CNTNAP5: variants seen among roughly 807,000 people sequenced by gnomAD.
CNTNAP5 encodes contactin associated protein family member 5, also known as contactin-associated protein-like 5.
Under a neutral mutation model 150.2 loss-of-function variants are expected in CNTNAP5, and 72 were observed. The observed-to-expected ratio is 0.48, with a 90% CI of 0.40 to 0.58. The LOEUF (loss-of-function observed/expected upper bound fraction) is 0.58. CNTNAP5 is among the 20% of genes least tolerant of loss of function. The pLI, the probability that CNTNAP5 is intolerant of heterozygous loss-of-function variation, is 0.00. For missense variants in CNTNAP5, 1,636 were observed against 1,626.2 expected (o/e 1.01, Z -0.10); for synonymous variants, 672 against 619.8 (o/e 1.08, Z -1.25).
At chr2:124,171,124 C>A (rs537407493) in intron 1 of CNTNAP5, among the ~76,000 whole-genome samples, 4 of 152,242 alleles carry the variant, frequency 2.6e-5, no homozygotes, top group African/African-American at 7.2e-5. Flanking sequence ...ATTGCTTTTT[C>A]AAAACAGGAT....
chr2:124,843,852 T>C (rs1682994044), intron 19 of CNTNAP5, among the ~76,000 whole-genome samples: 1 of 152,092 alleles, frequency 6.6e-6, no homozygotes, highest in African/African-American at 2.4e-5. Context: ...TTTGATGAGA[T>C]TGTCTGTTCT....
chr2:124,911,232 T>C lies in CNTNAP5; in HGVS notation c.3656-235T>C, dbSNP rs140874518. Among the ~76,000 whole-genome samples, 409 of 152,050 alleles carry C rather than the reference T, an allele frequency of 2.7e-3. 4 individuals are homozygous for C. The highest frequency in any genetic ancestry group is 8.9e-3 in the African/African-American group (371 of 41,526). On this transcript the variant is annotated intron_variant, in intron 22 of 23. Coordinates refer to ENST00000682447, the MANE Select transcript of CNTNAP5 (RefSeq NM_001367498.1). The stretch of plus-strand genomic sequence containing the variant: ...CACCATCCTCTGTTTTAACCCCTTA[T>C]CTTACAATTTGCACATAAACAAACA...
At chr2:124,526,371 T>G (rs1182446468) in intron 9 of CNTNAP5, among the ~76,000 whole-genome samples, 12 of 152,334 alleles carry the variant, frequency 7.9e-5, no homozygotes, top group Non-Finnish European at 1.5e-4. Flanking sequence ...AGTGTGCCTG[T>G]GAGCTGTTAA....
chr2:124,759,938 CT>C (rs571408475), intron 14 of CNTNAP5, among the ~76,000 whole-genome samples: 1,006 of 83,608 alleles, frequency 0.012, 17 homozygotes, highest in African/African-American at 0.027. Context: ...ACTCCTCGGT[CT>C]TTTTTTTTTT....
chr2:124,257,440 A>G (rs556586569), intron 3 of CNTNAP5, among the ~76,000 whole-genome samples: 1 of 152,268 alleles, frequency 6.6e-6, no homozygotes, highest in East Asian at 1.9e-4. Context: ...TGCATTGCCA[A>G]TCTTCTGGAT....
rs74764366 is a variant in CNTNAP5, at chr2:124,787,051, T to A, written c.2753-2851T>A. On this transcript the variant is annotated intron_variant, in intron 17 of 23. Transcript: ENST00000682447. ...TCTGTAAGTCTCAAACCTTAAGGAG[T>A]GCATTTTTGCCCGAGAAACCACCAA... 9.5e-3 allele frequency among the ~76,000 whole-genome samples: 1,434 copies of A among 151,634 alleles called. 13 individuals carry two copies. The highest frequency in any genetic ancestry group is 0.013 in the Non-Finnish European group (882 of 67,754).
At chr2:124,909,517 G>T (rs1036030331) in intron 22 of CNTNAP5, among the ~76,000 whole-genome samples, 2 of 152,008 alleles carry the variant, frequency 1.3e-5, no homozygotes, top group Non-Finnish European at 2.9e-5. Flanking sequence ...AAAGAAGCAG[G>T]AGGCATTTTA....
chr2:124,697,821 AC>A (rs1389795787), intron 13 of CNTNAP5, among the ~76,000 whole-genome samples: 3 of 152,180 alleles, frequency 2.0e-5, no homozygotes, highest in Non-Finnish European at 4.4e-5. Context: ...TATACTAGGC[AC>A]TGTTCTATGA....
intron 1 of CNTNAP5, among the ~76,000 whole-genome samples, chr2:124,032,995 G>A (rs1306890047): frequency 6.6e-6 from 1 of 152,124 alleles, no homozygotes; most frequent in Non-Finnish European, 1.5e-5. Context: ...TCTGACAGGG[G>A]GATAAACCAG....
intron 19 of CNTNAP5, among the ~76,000 whole-genome samples, chr2:124,852,897 G>A (rs1192065877): frequency 6.6e-6 from 1 of 152,202 alleles, no homozygotes; most frequent in East Asian, 1.9e-4. Flanking sequence ...ATGGCTCCTA[G>A]AATTTTAACC....
intron 3 of CNTNAP5, among the ~76,000 whole-genome samples, chr2:124,347,224 T>C (rs1322584199): frequency 6.6e-6 from 1 of 152,236 alleles, no homozygotes; most frequent in Non-Finnish European, 1.5e-5. Context: ...GTTTATTAAC[T>C]GCCTGGTCCT....
At chr2:124,611,340 C>A (rs181835752) in intron 12 of CNTNAP5, among the ~76,000 whole-genome samples, 18 of 152,270 alleles carry the variant, frequency 1.2e-4, no homozygotes, top group Non-Finnish European at 2.5e-4. Flanking sequence ...AGTAATTTGC[C>A]CATCTGGATA....
chr2:124,376,427 G>C lies in CNTNAP5; in HGVS notation c.382-41016G>C, dbSNP rs953964050. Among the ~76,000 whole-genome samples the C allele has an allele frequency of 2.0e-5, 3 of 152,036 alleles. No homozygotes were observed. In the East Asian group the frequency reaches 5.8e-4, roughly 29 times the overall value. ...GCACAGAGTTTCATTTGGGTAAGTGGAGGTATTCAGGAAGAATAGAAGGTC... is the reference window on the plus strand; with the variant it reads ...GCACAGAGTTTCATTTGGGTAAGTGCAGGTATTCAGGAAGAATAGAAGGTC... On this transcript the variant is annotated intron_variant, in intron 3 of 23. Coordinates refer to ENST00000682447, the MANE Select transcript of CNTNAP5 (RefSeq NM_001367498.1).
chr2:124,557,010 C>G (rs77905810), intron 10 of CNTNAP5, among the ~76,000 whole-genome samples: 2 of 149,580 alleles, frequency 1.3e-5, no homozygotes, highest in African/African-American at 4.9e-5. Flanking sequence ...CCTTCCCCCC[C>G]GCTCAAAAAA....
intron 12 of CNTNAP5, among the ~76,000 whole-genome samples, chr2:124,621,892 A>G (rs1264676846): frequency 6.6e-6 from 1 of 152,200 alleles, no homozygotes; most frequent in East Asian, 1.9e-4. Context: ...TTGTATCTGT[A>G]ATACAATTTG....
At chr2:124,483,483 G>A (rs1223519642) in intron 7 of CNTNAP5, among the ~76,000 whole-genome samples, 1 of 152,186 alleles carries the variant, frequency 6.6e-6, no homozygotes, top group Non-Finnish European at 1.5e-5. Context: ...GAGAAAAACT[G>A]TAGGGCTGTA....
At chr2:124,669,544 G>T (rs979690877) in intron 13 of CNTNAP5, among the ~76,000 whole-genome samples, 3 of 152,188 alleles carry the variant, frequency 2.0e-5, no homozygotes, top group Non-Finnish European at 4.4e-5. Flanking sequence ...TTGCCATTCA[G>T]TCACATGCTG....
chr2:124,094,725 T>A (rs567052322), intron 1 of CNTNAP5, among the ~76,000 whole-genome samples: 1 of 152,272 alleles, frequency 6.6e-6, no homozygotes, highest in East Asian at 1.9e-4. Context: ...GCAACTGGTG[T>A]GGGGGCTAAA....
At position 124,401,745 on chromosome 2, in the gene CNTNAP5, TAGA is replaced by T. The variant is rs138345045; in HGVS notation, c.382-15692_382-15690del. The stretch of plus-strand genomic sequence containing the variant: ...AGGCAAGGACATTTGTTCATCAAAG[TAGA>T]AGAAGGATGAGAAAATGGAATATAG... On this transcript the variant is annotated intron_variant, in intron 3 of 23. Coordinates refer to ENST00000682447, the MANE Select transcript of CNTNAP5 (RefSeq NM_001367498.1). 6.0e-3 allele frequency among the ~76,000 whole-genome samples: 920 copies of T among 152,334 alleles called. 8 individuals are homozygous for T. Among genetic ancestry groups the T allele is most frequent in the African/African-American group, 0.021 (868 of 41,570 alleles).
Sources: allele counts gnomAD v4.1 joint callset (sites outside exome capture counted in the v4.1 genomes callset), GRCh38; gene constraint gnomAD v4.1.1; transcripts MANE v1.5; gene names NCBI Gene and HGNC (gene_info 2026-07-23, HGNC 2026-07-21).